CCBE1: variants seen among roughly 807,000 people sequenced by gnomAD.
CCBE1 encodes the protein collagen and calcium binding EGF domains 1.
In CCBE1, 37 loss-of-function variants were observed where a neutral mutation model predicts 50.0. The observed-to-expected ratio is 0.74, with a 90% CI of 0.57 to 0.97. The LOEUF (loss-of-function observed/expected upper bound fraction) is 0.97, where lower values mean the gene tolerates loss of function less well. Ranked by LOEUF, CCBE1 falls within the 50% of genes least tolerant of loss-of-function variation. The pLI is 0.00. For synonymous variants in CCBE1, 234 were observed against 203.7 expected, an observed-to-expected ratio of 1.15 and a Z score of -1.27; for missense variants, 538 against 523.8, an observed-to-expected ratio of 1.03 and a Z score of -0.26.
intron 5 of CCBE1, among the ~76,000 whole-genome samples, chr18:59,463,254 C>T (rs930636880): frequency 2.0e-5 from 3 of 152,188 alleles, no homozygotes; most frequent in Non-Finnish European, 4.4e-5. Flanking sequence ...CTGTCTCTCA[C>T]CAGGGCAGAC....
intron 2 of CCBE1, among the ~76,000 whole-genome samples, chr18:59,683,260 C>T (rs2054616263): frequency 6.6e-6 from 1 of 152,214 alleles, no homozygotes; most frequent in African/African-American, 2.4e-5. Context: ...GACATCACCT[C>T]AATGACACAC....
chr18:59,592,032 T>G (rs908275540), intron 2 of CCBE1, among the ~76,000 whole-genome samples: 1 of 152,140 alleles, frequency 6.6e-6, no homozygotes, highest in African/African-American at 2.4e-5. Context: ...CAAAATGCAG[T>G]CAAAACTTTG....
chr18:59,589,755 C>A (rs757777420), intron 2 of CCBE1, among the ~76,000 whole-genome samples: 3 of 135,748 alleles, frequency 2.2e-5, no homozygotes, highest in Non-Finnish European at 4.6e-5. Flanking sequence ...GCCGAGATTG[C>A]GCCACTGCCA....
intron 2 of CCBE1, among the ~76,000 whole-genome samples, chr18:59,674,588 C>T (rs891394726): frequency 3.3e-5 from 5 of 151,774 alleles, no homozygotes; most frequent in South Asian, 4.2e-4. Context: ...CTGCATGTCC[C>T]GCACATGTAT....
rs545442358 is a variant in CCBE1 at position 59,494,295 on chromosome 18, A to G, written c.213-14057T>C. On this transcript the variant is annotated intron_variant, in intron 2 of 10. Coordinates refer to ENST00000439986, the MANE Select transcript of CCBE1 (RefSeq NM_133459.4). ...TGCCCCTCCAGGGTGGCCCAAATCC[A>G]CTTTCTCTGTTGTGCAAGCTCAGCT... is the stretch of plus-strand genomic sequence containing the variant. Among the ~76,000 whole-genome samples, 121 of 152,180 alleles carry G rather than the reference A, an allele frequency of 8.0e-4. 1 individual carries two copies. The highest frequency in any genetic ancestry group is 2.5e-3 in the African/African-American group (104 of 41,522).
chr18:59,464,323 G>A lies in CCBE1; in HGVS notation c.553+2416C>T, dbSNP rs144580328. ...GGCACCTGTAATCCCAGATACTTGGGAGGCTGAGGCAGGAGAGCCCCTTGA... is the reference window on the plus strand; with the variant it reads ...GGCACCTGTAATCCCAGATACTTGGAAGGCTGAGGCAGGAGAGCCCCTTGA... On this transcript the variant is annotated intron_variant, in intron 5 of 10. Coordinates refer to ENST00000439986, the MANE Select transcript of CCBE1 (RefSeq NM_133459.4). Among the ~76,000 whole-genome samples the A allele has an allele frequency of 3.7e-3, 556 of 152,290 alleles. 4 individuals are homozygous for A. Among genetic ancestry groups the A allele is most frequent in the African/African-American group, 0.013 (527 of 41,558 alleles).
intron 2 of CCBE1, among the ~76,000 whole-genome samples, chr18:59,567,188 G>A (rs1003363621): frequency 4.0e-5 from 6 of 150,918 alleles, no homozygotes; most frequent in African/African-American, 1.2e-4. Flanking sequence ...GTGTGATCTC[G>A]GCTCACTGTA....
chr18:59,497,476 AGCAGGGCCAGCTTGGCCTGGTTTGAG>A (rs1913409018), intron 2 of CCBE1, among the ~76,000 whole-genome samples: 1 of 152,216 alleles, frequency 6.6e-6, no homozygotes, highest in African/African-American at 2.4e-5. Flanking sequence ...CATAGAATAG[AGCAGGGCCAGCTTGGCCTGGTTTGAG>A]GCATCTTTGT....
intron 2 of CCBE1, among the ~76,000 whole-genome samples, chr18:59,612,815 G>GTTTTTTTTTTTTTTTTTTTTTTTTTTT (rs796066639): frequency 8.7e-6 from 1 of 114,938 alleles, no homozygotes; most frequent in African/African-American, 3.1e-5. Flanking sequence ...AATCTCAAGG[G>GTTTTTTTTTTTTTTTTTTTTTTTTTTT]TTTTTTTTTT....
At chr18:59,469,391 A>C in intron 4 of CCBE1, 82 bp downstream of exon 4, 1 of 1,570,852 alleles carries the variant, frequency 6.4e-7, no homozygotes, top group Non-Finnish European at 8.8e-7. Flanking sequence ...CAAGTATGAG[A>C]ACTGAAGGGT....
chr18:59,480,274 A>T (rs750235502), intron 2 of CCBE1, 36 bp from the exon 3 acceptor site: 5 of 1,421,794 alleles, frequency 3.5e-6, no homozygotes, highest in Non-Finnish European at 4.0e-6. Context: ...TATAATAATT[A>T]GGCTAAAAAT....
chr18:59,662,994 G>A (rs772074237), intron 2 of CCBE1, among the ~76,000 whole-genome samples: 1 of 151,578 alleles, frequency 6.6e-6, no homozygotes. Context: ...CCTAGAGAAT[G>A]ACTCCAAGTT....
Position 59,543,834 on chromosome 18 carries a change from CAAAAAAAAAAAA to C in CCBE1, c.213-63608_213-63597del, listed in dbSNP as rs10678902. ...TGGGAGATAGAGCGAGACTCCGTCT[CAAAAAAAAAAAA>C]AAAAAAAAAAAACAGAAAACACTAA... is the stretch of plus-strand genomic sequence containing the variant. On this transcript the variant is annotated intron_variant, in intron 2 of 10. Coordinates refer to ENST00000439986, the MANE Select transcript of CCBE1 (RefSeq NM_133459.4). 8.7e-5 allele frequency among the ~76,000 whole-genome samples: 6 copies of C among 69,002 alleles called. No individual in the cohort carries two copies. The Admixed American group carries it at 1.2e-3, about 14-fold the overall frequency. The allele number at this position is 69,002 out of a possible 152,430, so 45.3% of individuals were successfully genotyped here.
At chr18:59,447,206 C>A (rs1910714763) in intron 7 of CCBE1, among the ~76,000 whole-genome samples, 1 of 152,116 alleles carries the variant, frequency 6.6e-6, no homozygotes, top group Non-Finnish European at 1.5e-5. Context: ...TATATACACA[C>A]ATACGTATAT....
At chr18:59,530,210 AAAG>A (rs1460206608) in intron 2 of CCBE1, among the ~76,000 whole-genome samples, 3 of 152,178 alleles carry the variant, frequency 2.0e-5, no homozygotes, top group African/African-American at 4.8e-5. Context: ...CCAGGTGGCC[AAAG>A]AAGACAGCCC....
intron 3 of CCBE1, among the ~76,000 whole-genome samples, chr18:59,477,190 T>C (rs1033516817): frequency 1.3e-5 from 2 of 152,206 alleles, no homozygotes; most frequent in Non-Finnish European, 2.9e-5. Context: ...AATTGTACTG[T>C]TACTCCACAA....
At chr18:59,584,919 A>G (rs1299177994) in intron 2 of CCBE1, among the ~76,000 whole-genome samples, 1 of 152,192 alleles carries the variant, frequency 6.6e-6, no homozygotes, top group Non-Finnish European at 1.5e-5. Flanking sequence ...GAATCCATCC[A>G]GAAGACAAGT....
At chr18:59,515,321 C>T (rs1487060230) in intron 2 of CCBE1, among the ~76,000 whole-genome samples, 4 of 152,188 alleles carry the variant, frequency 2.6e-5, no homozygotes, top group Admixed American at 2.0e-4. Flanking sequence ...TTAAAAATAG[C>T]ATCTATTTAT....
rs562195419 is a variant in CCBE1, at chr18:59,673,359, G to A, written c.212+23270C>T. On this transcript the variant is annotated intron_variant, in intron 2 of 10. Coordinates refer to ENST00000439986, the MANE Select transcript of CCBE1 (RefSeq NM_133459.4). ...CCAGCTACTTGGGAAGCTGAGACAGGAGAATTGCTTGAACCCAGGATGTGG... is the reference window on the plus strand; with the variant it reads ...CCAGCTACTTGGGAAGCTGAGACAGAAGAATTGCTTGAACCCAGGATGTGG... Among the ~76,000 whole-genome samples the A allele has an allele frequency of 3.9e-5, 6 of 152,294 alleles. No individual in the cohort carries two copies. In the South Asian group the frequency reaches 1.2e-3, roughly 32 times the overall value.
Sources: gnomAD v4.1 joint callset for allele counts (sites outside exome capture counted in the v4.1 genomes callset) on GRCh38, gnomAD v4.1.1 for gene constraint, MANE v1.5 for transcripts, NCBI Gene and HGNC (gene_info 2026-07-23, HGNC 2026-07-21) for gene names.